The following CDH8 variants were observed in gnomAD, a reference collection of about 807,000 sequenced individuals.
CDH8 encodes the protein cadherin 8.
Under a neutral mutation model 68.1 loss-of-function variants are expected in CDH8, and 17 were observed. The ratio of observed to expected loss-of-function variants is 0.25; its 90% CI spans 0.17 to 0.37. The LOEUF (loss-of-function observed/expected upper bound fraction) is 0.37. Ranked by LOEUF, CDH8 falls within the 10% of genes least tolerant of loss-of-function variation. The pLI is 1.00. For missense variants in CDH8, 763 were observed against 999.3 expected (o/e 0.76, Z 3.19); for synonymous variants, 372 against 365.1 (o/e 1.02, Z -0.21).
At chr16:62,017,607 C>T (rs568912774) in intron 2 of CDH8, among the ~76,000 whole-genome samples, 5 of 152,228 alleles carry the variant, frequency 3.3e-5, no homozygotes, top group African/African-American at 1.2e-4. Flanking sequence ...CCTGGGAGAT[C>T]GAGGCTTCAG....
chr16:61,949,155 C>A (rs1297669821), intron 2 of CDH8, among the ~76,000 whole-genome samples: 2 of 152,186 alleles, frequency 1.3e-5, no homozygotes, highest in Non-Finnish European at 2.9e-5. Flanking sequence ...AGACTAAAGA[C>A]ATGGGTATCA....
chr16:61,912,796 C>T (rs901707494), intron 2 of CDH8, among the ~76,000 whole-genome samples: 1 of 152,072 alleles, frequency 6.6e-6, no homozygotes, highest in Admixed American at 6.6e-5. Flanking sequence ...GATTATCCTA[C>T]AGATAATATA....
chr16:61,816,298 C>T (rs1962072791), intron 7 of CDH8, among the ~76,000 whole-genome samples: 1 of 152,142 alleles, frequency 6.6e-6, no homozygotes, highest in South Asian at 2.1e-4. Context: ...GCTGATTGTC[C>T]TGCAAGGTTT....
chr16:61,669,157 T>A (rs1367568261), intron 10 of CDH8, among the ~76,000 whole-genome samples: 1 of 152,062 alleles, frequency 6.6e-6, no homozygotes, highest in African/African-American at 2.4e-5. Context: ...TTCACACATA[T>A]GAAAATAAGA....
intron 5 of CDH8, among the ~76,000 whole-genome samples, chr16:61,822,530 T>G (rs1160575130): frequency 2.6e-5 from 4 of 151,894 alleles, no homozygotes; most frequent in South Asian, 2.1e-4. Flanking sequence ...CTCATTATAC[T>G]CAACATAACA....
intron 1 of CDH8, among the ~76,000 whole-genome samples, chr16:62,023,685 T>C (rs1902128181): frequency 6.6e-6 from 1 of 152,072 alleles, no homozygotes; most frequent in African/African-American, 2.4e-5. Context: ...TGTCACAAAG[T>C]TACGCAAAGA....
rs1185703652 is a variant in CDH8, at chr16:61,940,398, C to CTTTTTTTTTTTTTTTTTTTTTTTTTT, written c.253-38926_253-38925insAAAAAAAAAAAAAAAAAAAAAAAAAA. The stretch of plus-strand genomic sequence containing the variant: ...GAGCTATGGTAATGAACTACTTGAT[C>CTTTTTTTTTTTTTTTTTTTTTTTTTT]TTTTTTTTTTTTTTTTTTTGAGACG... On this transcript the variant is annotated intron_variant, in intron 2 of 11. Transcript: ENST00000577390. The CTTTTTTTTTTTTTTTTTTTTTTTTTT allele has an allele frequency of 6.6e-4, 77 of 116,296 alleles. 4 individuals carry two copies. Among genetic ancestry groups the CTTTTTTTTTTTTTTTTTTTTTTTTTT allele is most frequent in the East Asian group, 3.0e-3 (10 of 3,318 alleles). 7.2% of individuals were successfully genotyped at this position (116,296 alleles called of 1,614,324 possible).
At chr16:62,007,861 G>A (rs1901710261) in intron 2 of CDH8, among the ~76,000 whole-genome samples, 2 of 151,906 alleles carry the variant, frequency 1.3e-5, no homozygotes, top group Admixed American at 1.3e-4. Flanking sequence ...TTGATCCTCT[G>A]TGTTTCTTGA....
At chr16:61,844,264 C>T (rs955829198) in intron 4 of CDH8, among the ~76,000 whole-genome samples, 4 of 109,860 alleles carry the variant, frequency 3.6e-5, no homozygotes, top group Admixed American at 1.4e-4. Context: ...CATCACACAC[C>T]GGGGACTGTT....
chr16:61,853,734 A>T (rs940868726), intron 4 of CDH8, among the ~76,000 whole-genome samples: 7 of 151,922 alleles, frequency 4.6e-5, no homozygotes, highest in African/African-American at 1.7e-4. Flanking sequence ...CATCCATGAC[A>T]TTTTCTTTCT....
chr16:62,031,591 T>C (rs1283935980), intron 1 of CDH8, among the ~76,000 whole-genome samples: 1 of 152,030 alleles, frequency 6.6e-6, no homozygotes. Context: ...TAAATGGTAT[T>C]CATTTATGAT....
intron 3 of CDH8, among the ~76,000 whole-genome samples, chr16:61,898,466 T>A (rs941506949): frequency 6.6e-6 from 1 of 152,082 alleles, no homozygotes; most frequent in Non-Finnish European, 1.5e-5. Flanking sequence ...CAAAGTCATA[T>A]TGTAGGTAGG....
intron 5 of CDH8, among the ~76,000 whole-genome samples, chr16:61,823,603 G>A (rs1962264081): frequency 6.6e-6 from 1 of 151,854 alleles, no homozygotes; most frequent in African/African-American, 2.4e-5. Flanking sequence ...AAAAAACATT[G>A]GAGGAAGGCC....
intron 3 of CDH8, among the ~76,000 whole-genome samples, chr16:61,881,909 T>G (rs141122384): frequency 1.3e-5 from 2 of 152,328 alleles, no homozygotes; most frequent in African/African-American, 4.8e-5. Flanking sequence ...TAAGCTGTCC[T>G]AAGCCTAATC....
chr16:61,728,251 C>CA (rs1030132992), intron 8 of CDH8, among the ~76,000 whole-genome samples: 1 of 120,662 alleles, frequency 8.3e-6, no homozygotes, highest in Non-Finnish European at 1.8e-5. Context: ...CTAAAATACT[C>CA]ATTTTTTTTT....
chr16:61,842,858 T>G (rs62051984), intron 4 of CDH8, among the ~76,000 whole-genome samples: 20,210 of 152,208 alleles, frequency 0.13, 1,668 homozygotes, highest in Middle Eastern at 0.21. Flanking sequence ...TATTTGCACA[T>G]GTGAAAATTC....
At chr16:61,787,370 G>A (rs1315857709) in intron 8 of CDH8, among the ~76,000 whole-genome samples, 4 of 146,606 alleles carry the variant, frequency 2.7e-5, no homozygotes, top group Admixed American at 1.4e-4. Context: ...TCAGAGAAAT[G>A]CAAATCAAAA....
At chr16:61,681,027 G>A (rs971825451) in intron 10 of CDH8, among the ~76,000 whole-genome samples, 1 of 151,868 alleles carries the variant, frequency 6.6e-6, no homozygotes, top group South Asian at 2.1e-4. Flanking sequence ...GACCGTAAAA[G>A]TTGTTTGTGG....
intron 2 of CDH8, among the ~76,000 whole-genome samples, chr16:62,013,759 G>C (rs923307634): frequency 6.6e-6 from 1 of 151,976 alleles, no homozygotes; most frequent in Non-Finnish European, 1.5e-5. Flanking sequence ...GTGAATTTCA[G>C]CTTCATACTT....
Sources: gnomAD v4.1 joint callset for allele counts (sites outside exome capture counted in the v4.1 genomes callset) on GRCh38, gnomAD v4.1.1 for gene constraint, MANE v1.5 for transcripts, NCBI Gene and HGNC (gene_info 2026-07-23, HGNC 2026-07-21) for gene names.